The following GARIN5A variants were observed in gnomAD, a reference collection of about 807,000 sequenced individuals.
The protein encoded by GARIN5A is golgi associated RAB2 interactor 5A.
At chr19:50,467,160 G>A in the GARIN5A span, among the ~76,000 whole-genome samples, 4 of 152,096 alleles carry the variant, frequency 2.6e-5, no homozygotes, top group East Asian at 1.9e-4. Context: ...TGGACATTGG[G>A]CCTGGCTGAC....
At chr19:50,472,216 G>GTATGTATATATACATGTATGTGTGTA in the GARIN5A span, among the ~76,000 whole-genome samples, 201 of 129,386 alleles carry the variant, frequency 1.6e-3, 8 homozygotes, top group African/African-American at 6.3e-3. Context: ...ATACATGTGT[G>GTATGTATATATACATGTATGTGTGTA]TATGTATATA....
At chr19:50,475,304 G>T in the GARIN5A span, 1 of 1,567,018 alleles carries the variant, frequency 6.4e-7, no homozygotes, top group Admixed American at 1.7e-5. Context: ...AAGGGGTCTC[G>T]GCTGAGGTGG....
At chr19:50,476,314 G>C in the GARIN5A span, 55 of 1,593,590 alleles carry the variant, frequency 3.5e-5, no homozygotes, top group Non-Finnish European at 4.4e-5. Context: ...CGTCACACAA[G>C]AGCGGGCTCC....
the GARIN5A span, chr19:50,476,797 C>T: frequency 3.4e-6 from 2 of 587,796 alleles, no homozygotes; most frequent in Admixed American, 3.6e-5. Context: ...AGCCAGGCCT[C>T]AGTCACGCAC....
the GARIN5A span, chr19:50,476,348 G>A: frequency 4.4e-6 from 7 of 1,579,046 alleles, 1 homozygote; most frequent in Admixed American, 8.9e-5. Flanking sequence ...CGTCCCTGGA[G>A]GGGGCGGCTC....
the GARIN5A span, among the ~76,000 whole-genome samples, chr19:50,472,122 ATATACGTG>A: frequency 3.0e-5 from 4 of 133,474 alleles, no homozygotes; most frequent in East Asian, 6.5e-4. Flanking sequence ...GTATATGTAT[ATATACGTG>A]TGTATATGTA....
chr19:50,474,901 G>A, the GARIN5A span, among the ~76,000 whole-genome samples: 2 of 152,178 alleles, frequency 1.3e-5, no homozygotes, highest in Non-Finnish European at 2.9e-5. Context: ...TTCCAATCCT[G>A]GCCCACTCTG....
chr19:50,476,592 G>T, the GARIN5A span: 10 of 1,574,050 alleles, frequency 6.4e-6, no homozygotes, highest in Admixed American at 1.8e-4. Context: ...TGCTCTTGCT[G>T]ATGGCGGTAG....
chr19:50,475,731 T>C, the GARIN5A span: 3 of 857,318 alleles, frequency 3.5e-6, no homozygotes, highest in Non-Finnish European at 5.8e-6. Context: ...GAGTCGGGAA[T>C]CCCACGAGAT....
chr19:50,472,167 CGTGTGTATATGTATGT>C, the GARIN5A span, among the ~76,000 whole-genome samples: 1 of 138,308 alleles, frequency 7.2e-6, no homozygotes, highest in South Asian at 2.3e-4. Flanking sequence ...TGTATGTATA[CGTGTGTATATGTATGT>C]ATACATGTAT....
At chr19:50,468,147 G>A in the GARIN5A span, among the ~76,000 whole-genome samples, 1 of 152,042 alleles carries the variant, frequency 6.6e-6, no homozygotes, top group Admixed American at 6.6e-5. Context: ...GATCACCTGA[G>A]GTCAGGAGTT....
At chr19:50,472,490 G>A in the GARIN5A span, among the ~76,000 whole-genome samples, 1 of 152,082 alleles carries the variant, frequency 6.6e-6, no homozygotes, top group Non-Finnish European at 1.5e-5. Flanking sequence ...GGGTGCCAAA[G>A]GAGCTTATGA....
At chr19:50,470,289 G>A in the GARIN5A span, among the ~76,000 whole-genome samples, 3 of 152,148 alleles carry the variant, frequency 2.0e-5, no homozygotes, top group Non-Finnish European at 4.4e-5. Flanking sequence ...CGAGGCAGGC[G>A]GATCACCTGA....
chr19:50,475,208 G>T, the GARIN5A span: 1 of 1,398,372 alleles, frequency 7.2e-7, no homozygotes, highest in Non-Finnish European at 9.5e-7. Flanking sequence ...AGGGAGGGCC[G>T]GTAGCACTGC....
At chr19:50,476,489 C>G in the GARIN5A span, 1 of 1,573,006 alleles carries the variant, frequency 6.4e-7, no homozygotes, top group Admixed American at 1.7e-5. Context: ...TTCCTCCCGG[C>G]GTGCTCCGCG....
At chr19:50,476,296 C>T in the GARIN5A span, 4 of 1,599,926 alleles carry the variant, frequency 2.5e-6, no homozygotes, top group African/African-American at 1.3e-5. Flanking sequence ...GCGGAGCGGG[C>T]TTTATGACGT....
At chr19:50,476,637 G>A in the GARIN5A span, 20 of 1,544,940 alleles carry the variant, frequency 1.3e-5, no homozygotes, top group Non-Finnish European at 1.6e-5. Flanking sequence ...GCGGCTGCCG[G>A]GCCGGGACTG....
the GARIN5A span, among the ~76,000 whole-genome samples, chr19:50,474,501 A>G: frequency 6.6e-6 from 1 of 151,848 alleles, no homozygotes; most frequent in Non-Finnish European, 1.5e-5. Context: ...GCTCACCACC[A>G]CGCCCGACTA....
the GARIN5A span, among the ~76,000 whole-genome samples, chr19:50,470,500 T>G: frequency 6.8e-6 from 1 of 148,076 alleles, no homozygotes. Context: ...GCAACAAGAG[T>G]GAGGCTCCGT....
Sources: gnomAD v4.1 joint callset for allele counts (sites outside exome capture counted in the v4.1 genomes callset) on GRCh38, gnomAD v4.1.1 for gene constraint, MANE v1.5 for transcripts, NCBI Gene and HGNC (gene_info 2026-07-23, HGNC 2026-07-21) for gene names.